The following MAML3 variants were observed in gnomAD, a reference collection of about 807,000 sequenced individuals.
The protein encoded by MAML3 is mastermind like transcriptional coactivator 3, also known as mastermind-like protein 3.
MAML3 carries 27 observed loss-of-function variants against 101.9 expected under a neutral mutation model. That is an observed-to-expected ratio of 0.27 (90% CI 0.20 to 0.37). The LOEUF (loss-of-function observed/expected upper bound fraction) is 0.37, where lower values mean the gene tolerates loss of function less well. Ranked by LOEUF, MAML3 falls within the 10% of genes least tolerant of loss-of-function variation. The probability of loss-of-function intolerance (pLI) is 1.00; values close to 1 mark genes in which losing one functional copy is unlikely to be tolerated. For synonymous variants in MAML3, 501 were observed against 555.9 expected (o/e 0.90, Z 1.39); for missense variants, 1,316 against 1,444.9 (o/e 0.91, Z 1.45).
intron 2 of MAML3, among the ~76,000 whole-genome samples, chr4:139,749,658 C>T (rs920144822): frequency 6.6e-6 from 1 of 152,228 alleles, no homozygotes; most frequent in Non-Finnish European, 1.5e-5. Context: ...TTTGCATGAG[C>T]ACTTCTGGAC....
At chr4:139,731,805 T>C (rs1443595706) in intron 2 of MAML3, among the ~76,000 whole-genome samples, 8 of 152,166 alleles carry the variant, frequency 5.3e-5, no homozygotes, top group African/African-American at 1.4e-4. Flanking sequence ...ACATGGAGAA[T>C]GTGCTCAAAG....
chr4:140,007,327 T>TAAAAC (rs1279158115), intron 1 of MAML3, among the ~76,000 whole-genome samples: 1 of 152,144 alleles, frequency 6.6e-6, no homozygotes, highest in Non-Finnish European at 1.5e-5. Context: ...GCCTAAAATC[T>TAAAAC]AAAACAAAAC....
At chr4:139,941,519 C>A (rs1733595611) in intron 1 of MAML3, among the ~76,000 whole-genome samples, 1 of 145,428 alleles carries the variant, frequency 6.9e-6, no homozygotes, top group Non-Finnish European at 1.5e-5. Flanking sequence ...GTTAATAACC[C>A]TAATGTGTTG....
intron 1 of MAML3, among the ~76,000 whole-genome samples, chr4:140,097,617 G>C (rs1728185285): frequency 6.7e-6 from 1 of 149,860 alleles, no homozygotes; most frequent in African/African-American, 2.5e-5. Flanking sequence ...AAGGAAGACG[G>C]GGTGAAGAGT....
intron 3 of MAML3, among the ~76,000 whole-genome samples, chr4:139,728,834 C>T (rs1029342610): frequency 2.0e-5 from 3 of 152,188 alleles, no homozygotes; most frequent in African/African-American, 7.2e-5. Context: ...CGTGTGGGAA[C>T]ACCCTTGGGC....
chr4:139,777,840 C>A lies in MAML3; in HGVS notation c.2080-47173G>T, dbSNP rs150288175. 5.6e-3 allele frequency among the ~76,000 whole-genome samples: 858 copies of A among 152,370 alleles called. 6 individuals are homozygous for A. The highest frequency in any genetic ancestry group is 0.02 in the African/African-American group (814 of 41,590). On this transcript the variant is annotated intron_variant, in intron 2 of 4. Transcript: ENST00000509479. ...CTCCTGCCCTCTGCTGAACCCTTAT[C>A]TTACCCACCCTTCTCTCCCTGCTGC... is the stretch of plus-strand genomic sequence containing the variant.
intron 1 of MAML3, among the ~76,000 whole-genome samples, chr4:139,914,577 A>T (rs750013314): frequency 3.9e-5 from 6 of 152,130 alleles, no homozygotes; most frequent in Non-Finnish European, 7.3e-5. Context: ...GTGAGCTTAG[A>T]CCTCCTTTAA....
chr4:139,941,086 T>A (rs1379282698), intron 1 of MAML3, among the ~76,000 whole-genome samples: 1 of 152,234 alleles, frequency 6.6e-6, no homozygotes, highest in African/African-American at 2.4e-5. Flanking sequence ...GGTCTAGGGT[T>A]TCAATATGAT....
At chr4:139,847,793 A>T (rs1731475299) in intron 2 of MAML3, among the ~76,000 whole-genome samples, 1 of 152,218 alleles carries the variant, frequency 6.6e-6, no homozygotes, top group Non-Finnish European at 1.5e-5. Context: ...AAGGAAAGTT[A>T]ATCTGGAGGG....
rs192936209 is a variant in MAML3 at position 139,779,933 on chromosome 4, C to T, written c.2080-49266G>A. ...TCTTCGTTATGTTGTAGGGCGCAAG[C>T]CATATGCTGCTACTGTAAGTGCTGT... is the stretch of plus-strand genomic sequence containing the variant. On this transcript the variant is annotated intron_variant, in intron 2 of 4. Transcript: ENST00000509479. Among the ~76,000 whole-genome samples the T allele has an allele frequency of 3.3e-5, 5 of 152,300 alleles. No individual in the cohort carries two copies. The East Asian group carries it at 5.8e-4, about 18-fold the overall frequency.
intron 1 of MAML3, among the ~76,000 whole-genome samples, chr4:139,938,966 G>T (rs1200078827): frequency 6.6e-6 from 1 of 152,206 alleles, no homozygotes; most frequent in Non-Finnish European, 1.5e-5. Flanking sequence ...TATGTCTAAA[G>T]ACAGCTCAGT....
At chr4:139,916,726 C>T (rs1171717266) in intron 1 of MAML3, among the ~76,000 whole-genome samples, 2 of 152,168 alleles carry the variant, frequency 1.3e-5, no homozygotes, top group African/African-American at 4.8e-5. Context: ...TTTACGTTTC[C>T]TCTTATTCAT....
chr4:139,846,153 C>G (rs1731442364), intron 2 of MAML3, among the ~76,000 whole-genome samples: 1 of 152,038 alleles, frequency 6.6e-6, no homozygotes, highest in African/African-American at 2.4e-5. Context: ...AATTTTCCTA[C>G]CTACAGATTG....
intron 2 of MAML3, among the ~76,000 whole-genome samples, chr4:139,852,403 G>GTTTT (rs67349785): frequency 1.6e-4 from 11 of 68,330 alleles, no homozygotes; most frequent in African/African-American, 2.0e-4. Flanking sequence ...TCAGAAGACT[G>GTTTT]TTTTTTTTTT....
intron 1 of MAML3, among the ~76,000 whole-genome samples, chr4:140,024,837 A>G (rs946365665): frequency 6.6e-6 from 1 of 152,220 alleles, no homozygotes; most frequent in African/African-American, 2.4e-5. Context: ...TCTCTGTTCA[A>G]TGCCATGAGA....
intron 2 of MAML3, among the ~76,000 whole-genome samples, chr4:139,789,549 G>A (rs904679627): frequency 2.0e-5 from 3 of 152,198 alleles, no homozygotes; most frequent in African/African-American, 7.2e-5. Context: ...ACGGGTGGAT[G>A]TGAAGGCATG....
At chr4:139,783,475 A>G (rs1457645214) in intron 2 of MAML3, among the ~76,000 whole-genome samples, 1 of 152,232 alleles carries the variant, frequency 6.6e-6, no homozygotes, top group East Asian at 1.9e-4. Flanking sequence ...TATGGCAGGT[A>G]GTACCTGCTG....
intron 1 of MAML3, among the ~76,000 whole-genome samples, chr4:139,993,576 T>G (rs548622955): frequency 2.7e-5 from 4 of 150,796 alleles, no homozygotes; most frequent in African/African-American, 9.7e-5. Context: ...CTGTAATCCC[T>G]GCACTTTGGG....
intron 1 of MAML3, among the ~76,000 whole-genome samples, chr4:139,901,601 G>T (rs1732720076): frequency 6.6e-6 from 1 of 152,186 alleles, no homozygotes. Flanking sequence ...GGAGGTTGGT[G>T]AGGAAGAAGG....
Sources: gnomAD v4.1 joint callset for allele counts (sites outside exome capture counted in the v4.1 genomes callset) on GRCh38, gnomAD v4.1.1 for gene constraint, MANE v1.5 for transcripts, NCBI Gene and HGNC (gene_info 2026-07-23, HGNC 2026-07-21) for gene names.